P3H2: variants seen among roughly 807,000 people sequenced by gnomAD.
P3H2 encodes the protein leprecan-like 1.
In P3H2, 80 loss-of-function variants were observed where a neutral mutation model predicts 87.0. The observed-to-expected ratio is 0.92, with a 90% confidence interval of 0.77 to 1.11. The LOEUF (loss-of-function observed/expected upper bound fraction) is 1.11. Ranked by LOEUF, P3H2 falls within the 50% of genes least tolerant of loss-of-function variation. The pLI is 0.00. For synonymous variants in P3H2, 367 were observed against 359.3 expected (o/e 1.02, Z -0.24); for missense variants, 1,001 against 923.9 (o/e 1.08, Z -1.08).
At chr3:189,989,736 A>T (rs1018144948) in intron 3 of P3H2, among the ~76,000 whole-genome samples, 26 of 152,164 alleles carry the variant, frequency 1.7e-4, no homozygotes, top group Admixed American at 3.3e-4. Context: ...AAACTAAAGG[A>T]ATGAGCATCT....
intron 13 of P3H2, among the ~76,000 whole-genome samples, chr3:189,967,228 C>T (rs535109049): frequency 1.3e-4 from 19 of 151,792 alleles, no homozygotes; most frequent in Admixed American, 1.2e-3. Flanking sequence ...CAAACAGGAG[C>T]TTTTGGATTA....
chr3:190,025,252 T>A (rs1378179486), intron 1 of P3H2, among the ~76,000 whole-genome samples: 1 of 152,196 alleles, frequency 6.6e-6, no homozygotes, highest in Non-Finnish European at 1.5e-5. Flanking sequence ...TAACTTTTCA[T>A]CCTTTGTAAG....
At position 190,069,539 on chromosome 3, in the gene P3H2, C is replaced by G. The variant is rs1275191069; in HGVS notation, c.480+50713G>C. 6.6e-5 allele frequency among the ~76,000 whole-genome samples: 10 copies of G among 152,298 alleles called. No individual in the cohort carries two copies. The East Asian group carries it at 1.9e-3, about 29-fold the overall frequency. ...AAGATTTACAGCATGTTTACCTTTT[C>G]TTCTTTTCCCAGTCCTCCTCATGTT... On this transcript the variant is annotated intron_variant, in intron 1 of 14. Coordinates refer to ENST00000319332, the MANE Select transcript of P3H2 (RefSeq NM_018192.4).
chr3:190,064,563 T>C (rs187903408), intron 1 of P3H2, among the ~76,000 whole-genome samples: 1 of 152,242 alleles, frequency 6.6e-6, no homozygotes, highest in Admixed American at 6.5e-5. Flanking sequence ...CATTCACATA[T>C]ATATTTATCT....
At chr3:189,996,560 T>C (rs945668005) in intron 1 of P3H2, among the ~76,000 whole-genome samples, 2 of 152,180 alleles carry the variant, frequency 1.3e-5, no homozygotes, top group African/African-American at 4.8e-5. Context: ...AGGATAACAA[T>C]AGCTAACAAT....
chr3:190,067,397 C>T (rs936175223), intron 1 of P3H2, among the ~76,000 whole-genome samples: 6 of 152,132 alleles, frequency 3.9e-5, no homozygotes, highest in Non-Finnish European at 7.4e-5. Context: ...GAGACAAATC[C>T]TTGCATGACC....
At chr3:189,980,730 C>T (rs895844672) in intron 8 of P3H2, among the ~76,000 whole-genome samples, 61 of 152,126 alleles carry the variant, frequency 4.0e-4, no homozygotes, top group Non-Finnish European at 1.2e-4. Context: ...GTTTCTAGCA[C>T]AGAGCTCCCA....
intron 1 of P3H2, among the ~76,000 whole-genome samples, chr3:190,067,200 A>G (rs1014505989): frequency 2.0e-5 from 3 of 151,970 alleles, no homozygotes; most frequent in Non-Finnish European, 4.4e-5. Flanking sequence ...CTACTATCAG[A>G]TTCATACCTT....
At chr3:189,964,688 G>A (rs1181070843) in intron 13 of P3H2, among the ~76,000 whole-genome samples, 3 of 152,148 alleles carry the variant, frequency 2.0e-5, no homozygotes, top group African/African-American at 4.8e-5. Context: ...CCCAGTGGTC[G>A]TTTAGGCATT....
intron 3 of P3H2, among the ~76,000 whole-genome samples, chr3:189,993,490 A>G (rs760679615): frequency 2.0e-5 from 3 of 152,192 alleles, no homozygotes; most frequent in Non-Finnish European, 4.4e-5. Context: ...TAAGTGGTTA[A>G]CTAGCCAATC....
chr3:189,960,884 T>C lies in P3H2; in HGVS notation c.2035-2880A>G, dbSNP rs183872753. Among the ~76,000 whole-genome samples the C allele has an allele frequency of 3.8e-3, 575 of 152,224 alleles. 3 individuals carry two copies. The highest frequency in any genetic ancestry group is 6.3e-3 in the Non-Finnish European group (427 of 68,000). ...ATATACTAAATAACAGAAAATTAAG[T>C]TGCTGCCACATCTAAATAAAAAGCC... is the stretch of plus-strand genomic sequence containing the variant. On this transcript the variant is annotated intron_variant, in intron 14 of 14. Coordinates refer to ENST00000319332, the MANE Select transcript of P3H2 (RefSeq NM_018192.4).
chr3:189,973,507 C>CTTTTTTTTTT lies in P3H2; in HGVS notation c.1548+401_1548+402insAAAAAAAAAA, dbSNP rs879286759. On this transcript the variant is annotated intron_variant, in intron 10 of 14. Transcript: ENST00000319332. ...TCAAAACTTTTTTCTTTCTTTCTTT[C>CTTTTTTTTTT]TTTCTTTTTTTTTTTTTTTTTTTTT... 1.0e-3 allele frequency among the ~76,000 whole-genome samples: 81 copies of CTTTTTTTTTT among 78,952 alleles called. 5 individuals carry two copies. Among genetic ancestry groups the CTTTTTTTTTT allele is most frequent in the African/African-American group, 1.6e-3 (35 of 21,304 alleles). The allele number at this position is 78,952 out of a possible 152,430, so 51.8% of individuals were successfully genotyped here.
At chr3:189,994,889 A>C (rs1008777711) in intron 2 of P3H2, among the ~76,000 whole-genome samples, 8 of 152,120 alleles carry the variant, frequency 5.3e-5, no homozygotes, top group Admixed American at 5.2e-4. Flanking sequence ...GAGCTGGAAA[A>C]TCACAGTATA....
intron 1 of P3H2, among the ~76,000 whole-genome samples, chr3:190,000,129 C>T (rs1206077253): frequency 6.6e-6 from 1 of 152,216 alleles, no homozygotes; most frequent in Non-Finnish European, 1.5e-5. Context: ...AGATTTCAGA[C>T]ACTCCACATC....
chr3:189,966,955 G>A (rs1350686109), intron 13 of P3H2, among the ~76,000 whole-genome samples: 3 of 152,200 alleles, frequency 2.0e-5, no homozygotes, highest in African/African-American at 7.2e-5. Context: ...TTTTTCCAAA[G>A]TAAAGGACTC....
chr3:190,019,422 A>C (rs1724865703), intron 1 of P3H2, among the ~76,000 whole-genome samples: 1 of 152,220 alleles, frequency 6.6e-6, no homozygotes, highest in Non-Finnish European at 1.5e-5. Flanking sequence ...AATATTCAAT[A>C]GCATTTATTC....
intron 1 of P3H2, among the ~76,000 whole-genome samples, chr3:190,093,918 A>G (rs1430999556): frequency 6.6e-6 from 1 of 152,212 alleles, no homozygotes; most frequent in East Asian, 1.9e-4. Flanking sequence ...TCATGAAGTC[A>G]TTTAGTTTTC....
chr3:190,017,416 A>G (rs561636257), intron 1 of P3H2, among the ~76,000 whole-genome samples: 1 of 152,340 alleles, frequency 6.6e-6, no homozygotes, highest in South Asian at 2.1e-4. Flanking sequence ...TATTATTTCC[A>G]GAGGCCAAAG....
At chr3:190,112,996 G>GT (rs1232751513) in intron 1 of P3H2, among the ~76,000 whole-genome samples, 1 of 152,200 alleles carries the variant, frequency 6.6e-6, no homozygotes, top group Non-Finnish European at 1.5e-5. Flanking sequence ...CCAGACAACT[G>GT]TGACTCTTGG....
Sources: allele counts gnomAD v4.1 joint callset (sites outside exome capture counted in the v4.1 genomes callset), GRCh38; gene constraint gnomAD v4.1.1; transcripts MANE v1.5; gene names NCBI Gene and HGNC (gene_info 2026-07-23, HGNC 2026-07-21).